The following DCLRE1C variants were observed in gnomAD, a reference collection of about 807,000 sequenced individuals.
The protein encoded by DCLRE1C is protein artemis.
A neutral mutation model predicts 61.4 loss-of-function variants in DCLRE1C; 47 were observed. The observed-to-expected ratio is 0.77, with a 90% confidence interval of 0.61 to 0.98. DCLRE1C has a LOEUF of 0.98. DCLRE1C is among the 50% of genes least tolerant of loss of function. The pLI is 0.00. For missense variants in DCLRE1C, 858 were observed against 816.0 expected, an observed-to-expected ratio of 1.05 and a Z score of -0.63; for synonymous variants, 337 against 287.6, an observed-to-expected ratio of 1.17 and a Z score of -1.74.
chr10:14,917,634 G>A (rs1836420678), intron 13 of DCLRE1C, among the ~76,000 whole-genome samples: 1 of 152,044 alleles, frequency 6.6e-6, no homozygotes. Context: ...GACCAGCTTG[G>A]GCAACATGGT....
rs541435347 is a variant in DCLRE1C at position 14,906,651 on chromosome 10, C to T, written c.*1757G>A. Among the ~76,000 whole-genome samples the T allele has an allele frequency of 2.0e-5, 3 of 152,290 alleles. No homozygotes were observed. Among genetic ancestry groups the T allele is most frequent in the Admixed American group, 6.5e-5 (1 of 15,298 alleles). On this transcript the variant is annotated 3_prime_UTR_variant, in exon 14 of 14. Transcript: ENST00000378278. Reference sequence around the variant, plus strand: ...AATACTTTTTGGTCGGATTGCCATGCAGCATCATGATAATGCATATCAAGT... The same window carrying T: ...AATACTTTTTGGTCGGATTGCCATGTAGCATCATGATAATGCATATCAAGT...
chr10:14,912,334 G>C (rs981008564), intron 13 of DCLRE1C, among the ~76,000 whole-genome samples: 10 of 152,124 alleles, frequency 6.6e-5, no homozygotes, highest in African/African-American at 2.4e-4. Context: ...GGGATTATAG[G>C]CGTGAGCCAC....
intron 13 of DCLRE1C, among the ~76,000 whole-genome samples, chr10:14,914,540 C>A (rs753970768): frequency 6.6e-6 from 1 of 152,176 alleles, no homozygotes; most frequent in African/African-American, 2.4e-5. Context: ...AACACTTCAT[C>A]CAACAACAGT....
chr10:14,923,335 G>A (rs1837437103), intron 11 of DCLRE1C: 1 of 413,542 alleles, frequency 2.4e-6, no homozygotes, highest in East Asian at 4.8e-5. Context: ...CTGATCCACA[G>A]TAAGAGCTGA....
chr10:14,901,246 T>C (rs771392242), downstream of DCLRE1C: 12 of 1,613,834 alleles, frequency 7.4e-6, no homozygotes, highest in Non-Finnish European at 1.0e-5. Flanking sequence ...AGCTGACTTT[T>C]GATTATCAAA....
At chr10:14,922,579 T>C (rs1332938661) in intron 12 of DCLRE1C, among the ~76,000 whole-genome samples, 1 of 152,230 alleles carries the variant, frequency 6.6e-6, no homozygotes, top group East Asian at 1.9e-4. Flanking sequence ...CAGTAGACAC[T>C]TGACAACCTA....
Position 14,906,681 on chromosome 10 carries a change from G to GT in DCLRE1C, c.*1726dup, listed in dbSNP as rs41300702. Among the ~76,000 whole-genome samples, 51 of 152,266 alleles carry GT rather than the reference G, an allele frequency of 3.3e-4. No homozygotes were observed. Among genetic ancestry groups the GT allele is most frequent in the African/African-American group, 1.2e-3 (48 of 41,552 alleles). On this transcript the variant is annotated 3_prime_UTR_variant, in exon 14 of 14. Coordinates refer to ENST00000378278, the MANE Select transcript of DCLRE1C (RefSeq NM_001033855.3). ...TCATGATAATGCATATCAAGTGTTA[G>GT]TTTAACTGATCTGCAAATTGTTTTA...
intron 13 of DCLRE1C, among the ~76,000 whole-genome samples, chr10:14,917,544 A>T (rs1161442019): frequency 6.6e-6 from 1 of 152,042 alleles, no homozygotes; most frequent in African/African-American, 2.4e-5. Flanking sequence ...TAGTAATATG[A>T]TGGGTGCAGT....
In DCLRE1C at chr10:14,899,318, TA is replaced by T. The variant is rs373363202; in HGVS notation, c.1157-7del. The T allele has an allele frequency of 6.8e-3, 4,065 of 594,306 alleles. 25 individuals are homozygous for T. The highest frequency in any genetic ancestry group is 0.028 in the African/African-American group (1,495 of 52,642). 36.8% of individuals were successfully genotyped at this position (594,306 alleles called of 1,614,324 possible). A position where few individuals can be genotyped will look rare whatever the true frequency, so the allele number is the denominator to read the frequency against. On this transcript the variant is annotated splice_polypyrimidine_tract_variant and splice_region_variant and intron_variant, in intron 13 of 13. Transcript: ENST00000378289. ...CTGAGTGACAGAGTGAGACCCTGTT[TA>T]AAAAAAAAAGGTCATCAGTCTTTTG...
chr10:14,946,156 A>G (rs1391420698), intron 2 of DCLRE1C, among the ~76,000 whole-genome samples: 1 of 149,256 alleles, frequency 6.7e-6, no homozygotes, highest in East Asian at 2.0e-4. Flanking sequence ...CTACATGCGC[A>G]CCACCACGCC....
In DCLRE1C at chr10:14,905,089, G is replaced by A. The variant is rs1227961465; in HGVS notation, c.*3319C>T. ...TCTGTTTTACAGTCATTTCCAGTAA[G>A]ACTATAAAAGGGGCAGAAAAATACT... On this transcript the variant is annotated 3_prime_UTR_variant, in exon 14 of 14. Coordinates refer to ENST00000378278, the MANE Select transcript of DCLRE1C (RefSeq NM_001033855.3). 1.3e-5 allele frequency among the ~76,000 whole-genome samples: 2 copies of A among 152,212 alleles called. No homozygotes were observed. Among genetic ancestry groups the A allele is most frequent in the Non-Finnish European group, 2.9e-5 (2 of 68,030 alleles).
At chr10:14,945,028 G>T in intron 3 of DCLRE1C, 77 bp downstream of exon 3, 1 of 1,117,488 alleles carries the variant, frequency 8.9e-7, no homozygotes, top group African/African-American at 1.6e-5. Context: ...ACAAACTGAG[G>T]CAAAGTTTTT....
At chr10:14,950,808 G>C (rs1842354523) in intron 1 of DCLRE1C, among the ~76,000 whole-genome samples, 1 of 152,194 alleles carries the variant, frequency 6.6e-6, no homozygotes, top group Admixed American at 6.6e-5. Flanking sequence ...GTAGTCACAA[G>C]AACTGGATGG....
At position 14,922,986 on chromosome 10, in the gene DCLRE1C, G is replaced by T; in HGVS notation, c.1056C>A (p.Val352=). The part of the protein sequence containing the change: ...IPVGTTMDKV[V]EILKPLCRSS... Reference sequence around the variant, plus strand: ...CACAACCAGTGACTACTCACATTTCGACAACTTTATCCATAGTTGTGCCAA... The same window carrying T: ...CACAACCAGTGACTACTCACATTTCTACAACTTTATCCATAGTTGTGCCAA... Residue 352 remains valine, a synonymous_variant, in exon 12 of 14, where the codon GTC becomes GTA. Coordinates refer to ENST00000378278, the MANE Select transcript of DCLRE1C (RefSeq NM_001033855.3). 5.6e-6 allele frequency: 9 copies of T among 1,613,090 alleles called. No homozygotes were observed. The highest frequency in any genetic ancestry group is 7.6e-6 in the Non-Finnish European group (9 of 1,179,068).
chr10:14,913,078 A>C (rs1460065155), intron 13 of DCLRE1C, among the ~76,000 whole-genome samples: 1 of 152,054 alleles, frequency 6.6e-6, no homozygotes, highest in Non-Finnish European at 1.5e-5. Flanking sequence ...GATGGTCTCG[A>C]TCTCTCTGAC....
In DCLRE1C at chr10:14,905,841, C is replaced by G. The variant is rs1206732049; in HGVS notation, c.*2567G>C. Among the ~76,000 whole-genome samples, 1 of 152,040 alleles carries G rather than the reference C, an allele frequency of 6.6e-6. No homozygotes were observed. The highest frequency in any genetic ancestry group is 2.4e-5 in the African/African-American group (1 of 41,394). The stretch of plus-strand genomic sequence containing the variant: ...CTCTACTAAAAATACAAAAATTAGC[C>G]AGGTGTGGCACACACCTGTAATCCC... On this transcript the variant is annotated 3_prime_UTR_variant, in exon 14 of 14. Coordinates refer to ENST00000378278, the MANE Select transcript of DCLRE1C (RefSeq NM_001033855.3).
chr10:14,919,876 G>A (rs1448045127), intron 12 of DCLRE1C, 44 bp from the exon 13 acceptor site: 1 of 1,486,356 alleles, frequency 6.7e-7, no homozygotes. Context: ...TGAGGAAGTT[G>A]TTAGAAGGTA....
At chr10:14,916,842 AT>A (rs1836283101) in intron 13 of DCLRE1C, among the ~76,000 whole-genome samples, 1 of 152,212 alleles carries the variant, frequency 6.6e-6, no homozygotes, top group African/African-American at 2.4e-5. Context: ...TGCCAAATTG[AT>A]CAACAGATTT....
At chr10:14,922,525 C>A (rs1180400179) in intron 12 of DCLRE1C, among the ~76,000 whole-genome samples, 1 of 152,060 alleles carries the variant, frequency 6.6e-6, no homozygotes, top group Non-Finnish European at 1.5e-5. Context: ...TAAAAGACAT[C>A]CATGAATACG....
Sources: gnomAD v4.1 joint callset for allele counts (sites outside exome capture counted in the v4.1 genomes callset) on GRCh38, gnomAD v4.1.1 for gene constraint, MANE v1.5 for transcripts, NCBI Gene and HGNC (gene_info 2026-07-23, HGNC 2026-07-21) for gene names.